The following LAMA2 variants were observed in gnomAD, a reference collection of about 807,000 sequenced individuals.
LAMA2 encodes the protein laminin subunit alpha-2.
LAMA2 carries 269 observed loss-of-function variants against 364.8 expected under a neutral mutation model. That is an observed-to-expected ratio of 0.74 (90% CI 0.67 to 0.82). LAMA2 has a LOEUF of 0.82. Ranked by LOEUF, LAMA2 falls within the 40% of genes least tolerant of loss-of-function variation. The pLI is 0.00. For missense variants in LAMA2, 3,807 were observed against 3,873.2 expected (o/e 0.98, Z 0.45); for synonymous variants, 1,379 against 1,370.6 (o/e 1.01, Z -0.14).
At chr6:129,221,964 C>G (rs1426914927) in intron 12 of LAMA2, among the ~76,000 whole-genome samples, 1 of 152,120 alleles carries the variant, frequency 6.6e-6, no homozygotes, top group Non-Finnish European at 1.5e-5. Context: ...GCATGATGGT[C>G]TTTATAAGCA....
At chr6:129,277,866 G>A (rs1468771888) in intron 17 of LAMA2, among the ~76,000 whole-genome samples, 2 of 152,160 alleles carry the variant, frequency 1.3e-5, no homozygotes, top group Non-Finnish European at 2.9e-5. Context: ...TAACTGACAT[G>A]TGAGTGTATT....
intron 64 of LAMA2, among the ~76,000 whole-genome samples, chr6:129,515,616 T>C (rs1382541167): frequency 9.7e-6 from 1 of 102,576 alleles, no homozygotes; most frequent in African/African-American, 2.8e-5. Context: ...AAAGTCACCT[T>C]CAAAAAGTTC....
At chr6:129,061,675 T>C (rs1276093675) in intron 3 of LAMA2, among the ~76,000 whole-genome samples, 1 of 152,232 alleles carries the variant, frequency 6.6e-6, no homozygotes, top group East Asian at 1.9e-4. Context: ...CTGTTTTCTC[T>C]TCCTCCCATT....
At chr6:128,931,934 T>C (rs977443946) in intron 1 of LAMA2, among the ~76,000 whole-genome samples, 3 of 152,212 alleles carry the variant, frequency 2.0e-5, no homozygotes, top group East Asian at 1.9e-4. Flanking sequence ...GTAATGATTG[T>C]TCATTATATT....
chr6:129,158,025 T>C, intron 8 of LAMA2: 10 of 1,613,238 alleles, frequency 6.2e-6, no homozygotes, highest in South Asian at 1.1e-5. Flanking sequence ...GAGGATGTTT[T>C]TGCTCTTTAG....
intron 41 of LAMA2, among the ~76,000 whole-genome samples, chr6:129,429,857 A>G (rs1562556310): frequency 6.6e-6 from 1 of 152,256 alleles, no homozygotes; most frequent in Non-Finnish European, 1.5e-5. Flanking sequence ...CACTGGTATT[A>G]TAAAAATGAA....
chr6:129,224,462 G>C (rs1784103083), intron 12 of LAMA2, among the ~76,000 whole-genome samples: 1 of 152,080 alleles, frequency 6.6e-6, no homozygotes. Flanking sequence ...TGCCCATTCA[G>C]TATGATATTG....
chr6:129,387,713 T>C (rs1314984643), intron 35 of LAMA2, among the ~76,000 whole-genome samples: 1 of 152,216 alleles, frequency 6.6e-6, no homozygotes, highest in Admixed American at 6.5e-5. Context: ...TGGAATACTA[T>C]GCAGCCATAA....
intron 9 of LAMA2, among the ~76,000 whole-genome samples, chr6:129,172,479 C>T (rs573164053): frequency 7.9e-5 from 12 of 152,332 alleles, no homozygotes; most frequent in Non-Finnish European, 1.2e-4. Context: ...CTCCCAGTTA[C>T]GCTGCTCAGG....
intron 32 of LAMA2, among the ~76,000 whole-genome samples, chr6:129,362,827 G>A (rs188429163): frequency 1.3e-5 from 2 of 152,228 alleles, no homozygotes; most frequent in African/African-American, 4.8e-5. Context: ...CTGAAAAAGT[G>A]ACACTTGAGC....
chr6:129,276,916 T>C (rs942550100), intron 17 of LAMA2, among the ~76,000 whole-genome samples: 3 of 152,130 alleles, frequency 2.0e-5, no homozygotes, highest in Non-Finnish European at 4.4e-5. Flanking sequence ...CATATATAGA[T>C]TGTTGACATA....
intron 40 of LAMA2, among the ~76,000 whole-genome samples, chr6:129,423,097 C>T (rs542235233): frequency 6.6e-6 from 1 of 152,048 alleles, no homozygotes; most frequent in Admixed American, 6.5e-5. Flanking sequence ...ATAATCACCT[C>T]AATTGATACA....
At chr6:128,889,989 G>T (rs1015710270) in intron 1 of LAMA2, among the ~76,000 whole-genome samples, 1 of 152,108 alleles carries the variant, frequency 6.6e-6, no homozygotes, top group African/African-American at 2.4e-5. Context: ...CAAACAACAA[G>T]TTAATCTATG....
intron 1 of LAMA2, among the ~76,000 whole-genome samples, chr6:128,911,800 C>T (rs1002872171): frequency 6.6e-6 from 1 of 152,146 alleles, no homozygotes; most frequent in Admixed American, 6.5e-5. Context: ...TCCCAGAAGG[C>T]CCTCACTGTT....
chr6:128,936,085 G>A (rs1779793866), intron 1 of LAMA2, among the ~76,000 whole-genome samples: 1 of 152,176 alleles, frequency 6.6e-6, no homozygotes, highest in South Asian at 2.1e-4. Flanking sequence ...GCCTTGTGAG[G>A]AAGGTACCTT....
At chr6:129,487,291 C>A (rs1344715154) in intron 56 of LAMA2, among the ~76,000 whole-genome samples, 1 of 152,220 alleles carries the variant, frequency 6.6e-6, no homozygotes, top group Non-Finnish European at 1.5e-5. Flanking sequence ...AAACTGATGA[C>A]TTTCTTTAGA....
intron 16 of LAMA2, among the ~76,000 whole-genome samples, chr6:129,269,519 T>G (rs955177544): frequency 6.6e-6 from 1 of 152,042 alleles, no homozygotes; most frequent in Non-Finnish European, 1.5e-5. Flanking sequence ...AAATCAATAA[T>G]TGGAAATAAA....
chr6:128,928,148 A>C (rs1202078658), intron 1 of LAMA2, among the ~76,000 whole-genome samples: 1 of 152,188 alleles, frequency 6.6e-6, no homozygotes, highest in Non-Finnish European at 1.5e-5. Flanking sequence ...CTAAGCACAG[A>C]GGTATGAGAA....
intron 22 of LAMA2, among the ~76,000 whole-genome samples, chr6:129,310,788 C>A (rs948312827): frequency 6.6e-6 from 1 of 152,140 alleles, no homozygotes; most frequent in Non-Finnish European, 1.5e-5. Flanking sequence ...TGCTCCTTCT[C>A]CCCACTTGCA....
Sources: gnomAD v4.1 joint callset for allele counts (sites outside exome capture counted in the v4.1 genomes callset) on GRCh38, gnomAD v4.1.1 for gene constraint, MANE v1.5 for transcripts, NCBI Gene and HGNC (gene_info 2026-07-23, HGNC 2026-07-21) for gene names.